The following RAB38 variants were observed in gnomAD, a reference collection of about 807,000 sequenced individuals.
RAB38 encodes ras-related protein Rab-38.
RAB38 carries 15 observed loss-of-function variants against 18.4 expected under a neutral mutation model. The ratio of observed to expected loss-of-function variants is 0.82; its 90% CI spans 0.55 to 1.26. RAB38 has a LOEUF of 1.26. Among genes scored for constraint, RAB38 ranks in the 50% most tolerant of loss-of-function variants. The pLI is 0.00. For synonymous variants in RAB38, 101 were observed against 104.4 expected (o/e 0.97, Z 0.20); for missense variants, 294 against 267.4 (o/e 1.10, Z -0.69).
At chr11:88,039,898 T>C in the RAB38 span, among the ~76,000 whole-genome samples, 1 of 152,192 alleles carries the variant, frequency 6.6e-6, no homozygotes, top group African/African-American at 2.4e-5. Flanking sequence ...TTGCTGCATC[T>C]GATCAGGAAA....
the RAB38 span, among the ~76,000 whole-genome samples, chr11:88,064,113 A>G: frequency 6.6e-6 from 1 of 152,354 alleles, no homozygotes; most frequent in South Asian, 2.1e-4. Context: ...ATCAATGGAG[A>G]TTCCAAATTT....
the RAB38 span, among the ~76,000 whole-genome samples, chr11:88,106,656 GC>G: frequency 6.6e-6 from 1 of 152,096 alleles, no homozygotes; most frequent in Admixed American, 6.6e-5. Flanking sequence ...AAATAAATTA[GC>G]TTGATGATAT....
the RAB38 span, among the ~76,000 whole-genome samples, chr11:88,006,899 G>A: frequency 6.6e-6 from 1 of 151,160 alleles, no homozygotes; most frequent in South Asian, 2.1e-4. Context: ...TGGGTACAAA[G>A]CTACAATTAG....
the RAB38 span, among the ~76,000 whole-genome samples, chr11:88,028,168 C>G: frequency 3.9e-4 from 59 of 152,182 alleles, no homozygotes; most frequent in Admixed American, 2.4e-3. Flanking sequence ...AGCTGAGGGT[C>G]CTGTCTGTTA....
At chr11:88,057,698 A>T in the RAB38 span, among the ~76,000 whole-genome samples, 1 of 152,172 alleles carries the variant, frequency 6.6e-6, no homozygotes, top group Non-Finnish European at 1.5e-5. Flanking sequence ...TACAATTTTT[A>T]AAAACTATGT....
At chr11:87,916,815 A>G in the RAB38 span, among the ~76,000 whole-genome samples, 1 of 152,088 alleles carries the variant, frequency 6.6e-6, no homozygotes, top group South Asian at 2.1e-4. Flanking sequence ...TTGACTTCTA[A>G]CTTTTTTGAA....
chr11:87,952,248 A>C, the RAB38 span, among the ~76,000 whole-genome samples: 2 of 152,130 alleles, frequency 1.3e-5, no homozygotes, highest in Non-Finnish European at 2.9e-5. Context: ...TGTATCTCTC[A>C]AAGTCTTGAG....
At chr11:87,881,707 C>G in the RAB38 span, among the ~76,000 whole-genome samples, 28 of 141,646 alleles carry the variant, frequency 2.0e-4, no homozygotes, top group African/African-American at 8.4e-4. Flanking sequence ...TCTTTTTAGC[C>G]ACTAAGTATT....
intron 1 of RAB38, among the ~76,000 whole-genome samples, chr11:88,151,987 A>G (rs1169767163): frequency 6.6e-6 from 1 of 152,250 alleles, no homozygotes; most frequent in Non-Finnish European, 1.5e-5. Flanking sequence ...AGTCAACGAA[A>G]GAAAGGGGCA....
At chr11:87,916,237 A>C in the RAB38 span, among the ~76,000 whole-genome samples, 1 of 152,146 alleles carries the variant, frequency 6.6e-6, no homozygotes. Flanking sequence ...AGTGGAATGC[A>C]CTGGTTTATG....
At chr11:88,147,338 C>T (rs1381837894) in intron 2 of RAB38, among the ~76,000 whole-genome samples, 1 of 152,084 alleles carries the variant, frequency 6.6e-6, no homozygotes, top group Non-Finnish European at 1.5e-5. Context: ...CTCCTCTCCC[C>T]ATGTAAATAC....
the RAB38 span, among the ~76,000 whole-genome samples, chr11:87,853,704 A>C: frequency 6.6e-6 from 1 of 152,248 alleles, no homozygotes; most frequent in African/African-American, 2.4e-5. Flanking sequence ...TTCAGTTCAG[A>C]AAAGTCTTGA....
the RAB38 span, among the ~76,000 whole-genome samples, chr11:87,866,719 G>A: frequency 3.3e-5 from 5 of 151,734 alleles, no homozygotes; most frequent in African/African-American, 1.2e-4. Flanking sequence ...TAGGTAGTTA[G>A]TTATGGAAGC....
the RAB38 span, among the ~76,000 whole-genome samples, chr11:88,052,744 G>T: frequency 6.6e-6 from 1 of 151,256 alleles, no homozygotes; most frequent in Non-Finnish European, 1.5e-5. Context: ...TGACCTAGAA[G>T]AAATTGAGGC....
the RAB38 span, among the ~76,000 whole-genome samples, chr11:88,086,871 T>A: frequency 6.6e-6 from 1 of 151,906 alleles, no homozygotes; most frequent in Non-Finnish European, 1.5e-5. Context: ...CTTATCACAG[T>A]GCCAGTATCT....
chr11:88,029,811 G>A, the RAB38 span, among the ~76,000 whole-genome samples: 1 of 152,008 alleles, frequency 6.6e-6, no homozygotes, highest in Non-Finnish European at 1.5e-5. Context: ...GTCAACATTA[G>A]ACAGATCAAC....
At chr11:88,045,017 T>C in the RAB38 span, among the ~76,000 whole-genome samples, 1 of 152,234 alleles carries the variant, frequency 6.6e-6, no homozygotes, top group South Asian at 2.1e-4. Flanking sequence ...TAGTCAAGGC[T>C]AATGCTTCTG....
chr11:87,863,569 T>C, the RAB38 span, among the ~76,000 whole-genome samples: 2 of 137,220 alleles, frequency 1.5e-5, no homozygotes, highest in South Asian at 4.4e-4. Context: ...AAGGCAGGAC[T>C]CTGTTTGGCG....
chr11:88,060,452 CTTTATTTTATATAGAGAGG>C, the RAB38 span, among the ~76,000 whole-genome samples: 5 of 152,178 alleles, frequency 3.3e-5, no homozygotes, highest in Admixed American at 3.3e-4. Context: ...GAAGTGATAG[CTTTATTTTATATAGAGAGG>C]TTTATTTTAT....
Sources: allele counts gnomAD v4.1 joint callset (sites outside exome capture counted in the v4.1 genomes callset), GRCh38; gene constraint gnomAD v4.1.1; transcripts MANE v1.5; gene names NCBI Gene and HGNC (gene_info 2026-07-23, HGNC 2026-07-21).